INPP5F: variants seen among roughly 807,000 people sequenced by gnomAD.
The protein encoded by INPP5F is phosphatidylinositide 4-phosphatase SAC2.
INPP5F carries 97 observed loss-of-function variants against 137.2 expected under a neutral mutation model. That is an observed-to-expected ratio of 0.71 (90% CI 0.60 to 0.84). The LOEUF (loss-of-function observed/expected upper bound fraction) is 0.84, where lower values mean the gene tolerates loss of function less well. Among genes scored for constraint, INPP5F ranks in the 40% least tolerant of loss-of-function variants. The pLI is 0.00. For missense variants in INPP5F, 1,271 were observed against 1,371.9 expected (o/e 0.93, Z 1.16); for synonymous variants, 504 against 476.9 (o/e 1.06, Z -0.74).
intron 3 of INPP5F, among the ~76,000 whole-genome samples, chr10:119,786,336 T>G (rs1290105514): frequency 6.6e-6 from 1 of 152,238 alleles, no homozygotes; most frequent in Non-Finnish European, 1.5e-5. Context: ...AAGGTGATCC[T>G]GTTGCCAGTG....
intron 9 of INPP5F, among the ~76,000 whole-genome samples, chr10:119,798,924 C>T (rs1473182152): frequency 6.6e-6 from 1 of 151,646 alleles, no homozygotes; most frequent in African/African-American, 2.4e-5. Context: ...TGCCACTGTG[C>T]CCGGCAGGGT....
intron 2 of INPP5F, among the ~76,000 whole-genome samples, chr10:119,752,219 A>C (rs1044930158): frequency 1.3e-5 from 2 of 152,194 alleles, no homozygotes; most frequent in African/African-American, 2.4e-5. Context: ...TACAAATTCA[A>C]AAAGCTGTTT....
chr10:119,750,076 A>G (rs1042451114), intron 1 of INPP5F, among the ~76,000 whole-genome samples: 1 of 152,190 alleles, frequency 6.6e-6, no homozygotes, highest in Non-Finnish European at 1.5e-5. Context: ...GCCAAAAACA[A>G]GTCAACTTTT....
intron 1 of INPP5F, among the ~76,000 whole-genome samples, chr10:119,728,527 A>G (rs1274789934): frequency 6.6e-6 from 1 of 152,058 alleles, no homozygotes; most frequent in Non-Finnish European, 1.5e-5. Context: ...ATTGTTTCCT[A>G]CTGGTTATTT....
At chr10:119,742,280 G>A (rs1050741780) in intron 1 of INPP5F, among the ~76,000 whole-genome samples, 4 of 151,506 alleles carry the variant, frequency 2.6e-5, no homozygotes, top group East Asian at 1.9e-4. Context: ...TTAGTTTCCC[G>A]AGTAGCTGGG....
chr10:119,779,960 G>C (rs1849649327), intron 2 of INPP5F, among the ~76,000 whole-genome samples: 1 of 152,058 alleles, frequency 6.6e-6, no homozygotes, highest in Non-Finnish European at 1.5e-5. Flanking sequence ...ATGTAAACCA[G>C]TAACAGTCAT....
At chr10:119,731,509 C>T (rs1848065916) in intron 1 of INPP5F, among the ~76,000 whole-genome samples, 1 of 152,002 alleles carries the variant, frequency 6.6e-6, no homozygotes, top group Non-Finnish European at 1.5e-5. Flanking sequence ...ACTGAAAATA[C>T]AAAAATTAGC....
chr10:119,794,267 T>G (rs1243272525), intron 6 of INPP5F, among the ~76,000 whole-genome samples: 2 of 152,098 alleles, frequency 1.3e-5, no homozygotes, highest in Admixed American at 6.5e-5. Context: ...AAGCACATCT[T>G]GCACCGCCCT....
At chr10:119,825,473 G>GT (rs1851720688) in intron 19 of INPP5F, among the ~76,000 whole-genome samples, 1 of 152,142 alleles carries the variant, frequency 6.6e-6, no homozygotes, top group Non-Finnish European at 1.5e-5. Flanking sequence ...GTCTCCACAA[G>GT]TATTTACGTA....
chr10:119,823,780 G>A, intron 18 of INPP5F, 35 bp from the exon 19 acceptor site: 1 of 1,528,306 alleles, frequency 6.5e-7, no homozygotes, highest in Non-Finnish European at 9.0e-7. Context: ...GTATGTTTAT[G>A]GAGAAATTGG....
At chr10:119,764,835 C>T (rs1214342006) in intron 2 of INPP5F, among the ~76,000 whole-genome samples, 2 of 152,144 alleles carry the variant, frequency 1.3e-5, no homozygotes, top group Non-Finnish European at 2.9e-5. Flanking sequence ...GTCTTGGCCT[C>T]GCAAAGTGCT....
chr10:119,786,570 A>T (rs1849923622), intron 3 of INPP5F, among the ~76,000 whole-genome samples: 1 of 152,216 alleles, frequency 6.6e-6, no homozygotes, highest in Admixed American at 6.5e-5. Context: ...TATTTGTTTG[A>T]GACAGGGTCT....
chr10:119,741,867 C>CT (rs1208561322), intron 1 of INPP5F, among the ~76,000 whole-genome samples: 1 of 152,054 alleles, frequency 6.6e-6, no homozygotes, highest in African/African-American at 2.4e-5. Context: ...GAGTCTCACT[C>CT]TGTTGCCGAT....
At chr10:119,747,074 C>T (rs1336840567) in intron 1 of INPP5F, among the ~76,000 whole-genome samples, 1 of 152,096 alleles carries the variant, frequency 6.6e-6, no homozygotes, top group Admixed American at 6.5e-5. Context: ...TAGGCATGAG[C>T]CACCATGCCC....
At chr10:119,761,442 G>A (rs925198203) in intron 2 of INPP5F, among the ~76,000 whole-genome samples, 2 of 152,174 alleles carry the variant, frequency 1.3e-5, no homozygotes, top group African/African-American at 4.8e-5. Context: ...GGTACCTGAC[G>A]TTGAACAAAC....
chr10:119,782,677 G>C (rs1849748479), intron 3 of INPP5F, among the ~76,000 whole-genome samples: 1 of 152,074 alleles, frequency 6.6e-6, no homozygotes, highest in Non-Finnish European at 1.5e-5. Context: ...ATGAGTGAAT[G>C]GATTTTAGAA....
At chr10:119,739,652 T>C (rs1441742645) in intron 1 of INPP5F, among the ~76,000 whole-genome samples, 1 of 152,142 alleles carries the variant, frequency 6.6e-6, no homozygotes, top group Non-Finnish European at 1.5e-5. Context: ...TTTTTTGAGA[T>C]AGGGTCTTCA....
chr10:119,816,279 C>T (rs1197144104), intron 15 of INPP5F: 2 of 152,078 alleles, frequency 1.3e-5, no homozygotes, highest in Non-Finnish European at 2.9e-5. Context: ...AGAGGTGATG[C>T]TTTTTCAAAT....
chr10:119,765,741 C>CTGTG (rs34906556), intron 2 of INPP5F, among the ~76,000 whole-genome samples: 2,689 of 127,642 alleles, frequency 0.021, 37 homozygotes, highest in African/African-American at 0.037. Flanking sequence ...CAAGGGTAAA[C>CTGTG]TGTGTGTGTG....
Sources: allele counts gnomAD v4.1 joint callset (sites outside exome capture counted in the v4.1 genomes callset), GRCh38; gene constraint gnomAD v4.1.1; transcripts MANE v1.5; gene names NCBI Gene and HGNC (gene_info 2026-07-23, HGNC 2026-07-21).